The following OSBPL9 variants were observed in gnomAD, a reference collection of about 807,000 sequenced individuals.
OSBPL9 encodes oxysterol binding protein like 9.
Under a neutral mutation model 106.6 loss-of-function variants are expected in OSBPL9, and 40 were observed. The ratio of observed to expected loss-of-function variants is 0.38; its 90% CI spans 0.29 to 0.49. The LOEUF (loss-of-function observed/expected upper bound fraction) is 0.49. Among genes scored for constraint, OSBPL9 ranks in the 20% least tolerant of loss-of-function variants. The probability of loss-of-function intolerance (pLI) is 0.97; values close to 1 mark genes in which losing one functional copy is unlikely to be tolerated. For missense variants in OSBPL9, 609 were observed against 887.2 expected (o/e 0.69, Z 3.98); for synonymous variants, 269 against 295.4 (o/e 0.91, Z 0.92).
At chr1:51,602,018 C>CT (rs758760414) in intron 2 of OSBPL9, among the ~76,000 whole-genome samples, 837 of 76,374 alleles carry the variant, frequency 0.011, 114 homozygotes, top group African/African-American at 0.037. Flanking sequence ...TCTTGGGGTT[C>CT]TTTTTTTTTT....
At chr1:51,731,451 TCAAAG>T (rs1352042536) in intron 4 of OSBPL9, among the ~76,000 whole-genome samples, 5 of 151,654 alleles carry the variant, frequency 3.3e-5, no homozygotes, top group Non-Finnish European at 7.4e-5. Flanking sequence ...AGACTCTGTC[TCAAAG>T]CAAAACAAAA....
intron 3 of OSBPL9, among the ~76,000 whole-genome samples, chr1:51,700,353 A>G (rs1656969612): frequency 6.6e-6 from 1 of 152,088 alleles, no homozygotes; most frequent in African/African-American, 2.4e-5. Context: ...TCTCCCACCC[A>G]TTTGGTACAG....
At chr1:51,698,593 G>C (rs1656592752) in intron 3 of OSBPL9, among the ~76,000 whole-genome samples, 1 of 152,154 alleles carries the variant, frequency 6.6e-6, no homozygotes, top group African/African-American at 2.4e-5. Flanking sequence ...TTAGAGGATG[G>C]AAAGCAAGCT....
At chr1:51,583,338 A>G (rs998478505) in intron 1 of OSBPL9, 4 of 152,210 alleles carry the variant, frequency 2.6e-5, no homozygotes, top group African/African-American at 9.7e-5. Context: ...TGTACCAGAC[A>G]CTGTGCAAAA....
intron 3 of OSBPL9, among the ~76,000 whole-genome samples, chr1:51,672,667 A>G (rs1650182585): frequency 6.6e-6 from 1 of 152,202 alleles, no homozygotes. Context: ...GTATATATTA[A>G]TAGTTCCTTT....
the OSBPL9 span, chr1:51,569,584 C>T: frequency 1.3e-5 from 2 of 152,178 alleles, no homozygotes; most frequent in African/African-American, 4.8e-5. Context: ...GAGTGCATAT[C>T]CTCCTGGTTC....
In OSBPL9 at chr1:51,776,899, C is replaced by T; in HGVS notation, c.1237C>T (p.His413Tyr). 1 of 1,611,322 alleles carries T rather than the reference C, an allele frequency of 6.2e-7. No individual in the cohort carries two copies. Among genetic ancestry groups the T allele is most frequent in the South Asian group, 1.1e-5 (1 of 91,016 alleles). The change falls in exon 15 of 24, where the codon CAT becomes TAT. Residue 413 changes from histidine to tyrosine, a missense_variant. Physicochemically the swap from His to Tyr is moderately conservative, Grantham distance 83. Transcript: ENST00000428468. ...LLEMYADFFA[H>Y]PDLFVSISDQ... ...AGAAATGTATGCAGACTTTTTTGCA[C>T]ATCCGGACCTGTTTGTGAGGTATTT...
chr1:51,675,149 G>A (rs1371332482), intron 3 of OSBPL9, among the ~76,000 whole-genome samples: 9 of 152,216 alleles, frequency 5.9e-5, no homozygotes, highest in African/African-American at 1.7e-4. Flanking sequence ...CATTTCTCAC[G>A]ACACATCTCT....
At chr1:51,597,031 T>C (rs1056909314) in intron 1 of OSBPL9, among the ~76,000 whole-genome samples, 1 of 152,144 alleles carries the variant, frequency 6.6e-6, no homozygotes, top group South Asian at 2.1e-4. Flanking sequence ...GAGGTGACAC[T>C]TTGGTTGCCA....
chr1:51,741,987 A>G (rs1347484761), intron 4 of OSBPL9, among the ~76,000 whole-genome samples: 1 of 152,154 alleles, frequency 6.6e-6, no homozygotes, highest in Non-Finnish European at 1.5e-5. Flanking sequence ...CAACATGGAG[A>G]AAAGGCTTGA....
At chr1:51,755,985 A>G (rs1670252889) in intron 8 of OSBPL9, among the ~76,000 whole-genome samples, 2 of 152,214 alleles carry the variant, frequency 1.3e-5, no homozygotes, top group African/African-American at 4.8e-5. Flanking sequence ...CTTTCACTTA[A>G]CATCATGTTT....
At chr1:51,592,415 G>A (rs557228268) in intron 1 of OSBPL9, among the ~76,000 whole-genome samples, 2 of 152,062 alleles carry the variant, frequency 1.3e-5, no homozygotes, top group African/African-American at 2.4e-5. Context: ...GTGCCCGGCC[G>A]TTGCTAAGTC....
At chr1:51,740,664 C>T (rs1311487230) in intron 4 of OSBPL9, among the ~76,000 whole-genome samples, 1 of 152,018 alleles carries the variant, frequency 6.6e-6, no homozygotes, top group Non-Finnish European at 1.5e-5. Context: ...AGGACACTTA[C>T]TCCTTTAAGT....
In OSBPL9 at chr1:51,587,511, T is replaced by C. The variant is rs556689462; in HGVS notation, c.-423+10255T>C. Among the ~76,000 whole-genome samples the C allele has an allele frequency of 3.9e-5, 6 of 152,370 alleles. No individual in the cohort carries two copies. The East Asian group carries it at 1.2e-3, about 29-fold the overall frequency. ...TGACACTTCCCATCCCATTTCTTTTTAGTCACTTGGCTTCTTTCTGCCTAA... is the reference window on the plus strand; with the variant it reads ...TGACACTTCCCATCCCATTTCTTTTCAGTCACTTGGCTTCTTTCTGCCTAA... On this transcript the variant is annotated intron_variant, in intron 1 of 25. Coordinates refer to the OSBPL9 transcript ENST00000371714.
At chr1:51,785,568 C>T in intron 20 of OSBPL9, 1 of 507,848 alleles carries the variant, frequency 2.0e-6, no homozygotes, top group Non-Finnish European at 3.5e-6. Flanking sequence ...GGTCCTTGCA[C>T]CCAGAATAGG....
chr1:51,783,608 T>G (rs987820887), intron 17 of OSBPL9, among the ~76,000 whole-genome samples: 4 of 152,232 alleles, frequency 2.6e-5, no homozygotes, highest in Non-Finnish European at 4.4e-5. Context: ...CTGGAAACAC[T>G]GGCTGGGCCT....
the OSBPL9 span, among the ~76,000 whole-genome samples, chr1:51,518,934 G>C: frequency 2.6e-5 from 4 of 151,364 alleles, no homozygotes; most frequent in Non-Finnish European, 5.9e-5. Flanking sequence ...CTCGGCAGCG[G>C]CGCGGAGGGC....
At chr1:51,647,324 G>A (rs532270019) in intron 1 of OSBPL9, among the ~76,000 whole-genome samples, 5 of 152,012 alleles carry the variant, frequency 3.3e-5, no homozygotes, top group African/African-American at 9.6e-5. Flanking sequence ...GATTTTGTTC[G>A]CTAGTATTTT....
chr1:51,522,617 T>A, the OSBPL9 span, among the ~76,000 whole-genome samples: 1 of 152,128 alleles, frequency 6.6e-6, no homozygotes, highest in Non-Finnish European at 1.5e-5. Flanking sequence ...AGAGGAAAAA[T>A]GTAGCCAATC....
Sources: gnomAD v4.1 joint callset for allele counts (sites outside exome capture counted in the v4.1 genomes callset) on GRCh38, gnomAD v4.1.1 for gene constraint, MANE v1.5 for transcripts, NCBI Gene and HGNC (gene_info 2026-07-23, HGNC 2026-07-21) for gene names.